Variants in NECTIN3 observed in about 807,000 individuals in gnomAD.
NECTIN3 encodes the protein nectin cell adhesion molecule 3, also known as nectin-3.
Under a neutral mutation model 49.4 loss-of-function variants are expected in NECTIN3, and 8 were observed. The observed-to-expected ratio is 0.16, with a 90% CI of 0.10 to 0.29. NECTIN3 has a LOEUF of 0.29. Among genes scored for constraint, NECTIN3 ranks in the 10% least tolerant of loss-of-function variants. NECTIN3 has a pLI of 1.00. For missense variants in NECTIN3, 581 were observed against 654.6 expected, an observed-to-expected ratio of 0.89 and a Z score of 1.23; for synonymous variants, 277 against 241.1, an observed-to-expected ratio of 1.15 and a Z score of -1.38.
At chr3:111,149,365 T>C (rs1029078080) in intron 7 of NECTIN3, among the ~76,000 whole-genome samples, 1 of 152,088 alleles carries the variant, frequency 6.6e-6, no homozygotes, top group African/African-American at 2.4e-5. Flanking sequence ...AAAAATTCTA[T>C]TGAACTCCTG....
At chr3:111,149,505 G>GTGTGTA in intron 7 of NECTIN3, among the ~76,000 whole-genome samples, 1 of 140,970 alleles carries the variant, frequency 7.1e-6, no homozygotes, top group South Asian at 2.2e-4. Flanking sequence ...GTGTGTGTGT[G>GTGTGTA]TGTAGAATCT....
chr3:111,073,698 T>G (rs1273963357), intron 1 of NECTIN3, among the ~76,000 whole-genome samples: 1 of 152,230 alleles, frequency 6.6e-6, no homozygotes, highest in Admixed American at 6.5e-5. Flanking sequence ...CTTACCAGTT[T>G]ACTATCCTGA....
chr3:111,103,596 A>G (rs919989576), intron 1 of NECTIN3, among the ~76,000 whole-genome samples: 3 of 150,760 alleles, frequency 2.0e-5, no homozygotes, highest in African/African-American at 7.4e-5. Flanking sequence ...AGAAATAAAG[A>G]AAGGAAGAAA....
chr3:111,140,043 A>G (rs1484207621), downstream of NECTIN3, among the ~76,000 whole-genome samples: 1 of 151,814 alleles, frequency 6.6e-6, no homozygotes, highest in Non-Finnish European at 1.5e-5. Flanking sequence ...TGATTCAGTG[A>G]TTGAAAGGTC....
At chr3:111,129,318 A>G (rs1336280892) in intron 5 of NECTIN3, among the ~76,000 whole-genome samples, 4 of 151,870 alleles carry the variant, frequency 2.6e-5, no homozygotes, top group African/African-American at 9.7e-5. Context: ...ATGTAACCCC[A>G]TGTATTGCCA....
chr3:111,108,506 A>C (rs1050300129), intron 1 of NECTIN3, among the ~76,000 whole-genome samples: 5 of 152,156 alleles, frequency 3.3e-5, no homozygotes. Flanking sequence ...AGGTTATTCC[A>C]ATACTACCTG....
chr3:111,109,495 G>A (rs2033362961), intron 1 of NECTIN3, among the ~76,000 whole-genome samples: 3 of 151,792 alleles, frequency 2.0e-5, no homozygotes, highest in Non-Finnish European at 4.4e-5. Context: ...TTACTTTTAG[G>A]TCTTCAGTCC....
Position 111,134,382 on chromosome 3 carries a change from G to C in NECTIN3, c.*167G>C. ...AATGAAAATGTAAAATCTGAGTTCA[G>C]TGTATCTAAGCTGCTTTACAATTTT... On this transcript the variant is annotated 3_prime_UTR_variant, in exon 6 of 6. Coordinates refer to ENST00000485303, the MANE Select transcript of NECTIN3 (RefSeq NM_015480.3). The C allele has an allele frequency of 1.4e-6, 2 of 1,380,270 alleles. No individual in the cohort carries two copies. Among genetic ancestry groups the C allele is most frequent in the Non-Finnish European group, 1.9e-6 (2 of 1,070,108 alleles). The allele number at this position is 1,380,270 out of a possible 1,614,324, so 85.5% of individuals were successfully genotyped here. A position where few individuals can be genotyped will look rare whatever the true frequency, so the allele number is the denominator to read the frequency against.
In NECTIN3 at chr3:111,172,553, T is replaced by G. The variant is rs77042984; in HGVS notation, c.1222-19798T>G. On this transcript the variant is annotated intron_variant, in intron 7 of 8. Coordinates refer to the NECTIN3 transcript ENST00000493615. ...CTTCAAACCTTACTTAAATGTAAGATGGTATTGTGTTCAAAAATGATATTA... is the reference window on the plus strand; with the variant it reads ...CTTCAAACCTTACTTAAATGTAAGAGGGTATTGTGTTCAAAAATGATATTA... 0.021 allele frequency among the ~76,000 whole-genome samples: 3,231 copies of G among 152,262 alleles called. 176 individuals are homozygous for G. In the East Asian group the frequency reaches 0.23, roughly 11 times the overall value.
intron 5 of NECTIN3, 106 bp downstream of exon 5, chr3:111,126,441 C>A: frequency 1.0e-6 from 1 of 969,044 alleles, no homozygotes; most frequent in Non-Finnish European, 1.5e-6. Flanking sequence ...GATACAGATT[C>A]CTCAGTGTGA....
downstream of NECTIN3, among the ~76,000 whole-genome samples, chr3:111,141,275 A>T (rs4682235): frequency 7.1e-3 from 1,076 of 152,022 alleles, 15 homozygotes; most frequent in Non-Finnish European, 0.012. Context: ...ATAGTATGGG[A>T]GCAAATCAAA....
At chr3:111,084,354 A>G (rs772107640) in intron 1 of NECTIN3, among the ~76,000 whole-genome samples, 8 of 152,232 alleles carry the variant, frequency 5.3e-5, no homozygotes, top group African/African-American at 1.7e-4. Flanking sequence ...ATGAATTGGC[A>G]TAACATGGAC....
intron 1 of NECTIN3, among the ~76,000 whole-genome samples, chr3:111,075,662 A>G (rs2031135740): frequency 6.6e-6 from 1 of 152,164 alleles, no homozygotes; most frequent in Admixed American, 6.6e-5. Flanking sequence ...TTACATCTAT[A>G]TATTGAGTCT....
chr3:111,145,072 T>C (rs1428167122), intron 6 of NECTIN3: 1 of 1,509,202 alleles, frequency 6.6e-7, no homozygotes, highest in African/African-American at 1.4e-5. Context: ...CAACTATGAA[T>C]ATCAGTATGT....
intron 1 of NECTIN3, among the ~76,000 whole-genome samples, chr3:111,085,754 T>G (rs2031886766): frequency 6.6e-6 from 1 of 152,140 alleles, no homozygotes; most frequent in Non-Finnish European, 1.5e-5. Flanking sequence ...GTTCCATAAT[T>G]TATCAGTTTT....
chr3:111,139,293 T>A (rs1444220069), downstream of NECTIN3, among the ~76,000 whole-genome samples: 1 of 151,766 alleles, frequency 6.6e-6, no homozygotes, highest in Admixed American at 6.6e-5. Context: ...TTTCCAAATA[T>A]GATCCATTCA....
intron 7 of NECTIN3, among the ~76,000 whole-genome samples, chr3:111,181,009 G>A (rs1337811727): frequency 1.3e-5 from 2 of 151,970 alleles, no homozygotes; most frequent in South Asian, 2.1e-4. Flanking sequence ...CATTTTCATA[G>A]CCTTGCCAAA....
At chr3:111,192,281 T>C, upstream of NECTIN3, 3 of 1,342,896 alleles carry the variant, frequency 2.2e-6, no homozygotes, top group South Asian at 3.9e-5. Flanking sequence ...CTTTTAAAAA[T>C]AGGAATCTTA....
At chr3:111,133,507 A>AT in intron 5 of NECTIN3, 128 bp from the exon 6 acceptor site, 1 of 1,323,110 alleles carries the variant, frequency 7.6e-7, no homozygotes, top group Non-Finnish European at 1.0e-6. Context: ...CAAATTAAGA[A>AT]TGAAAAACTA....
Sources: allele counts gnomAD v4.1 joint callset (sites outside exome capture counted in the v4.1 genomes callset), GRCh38; gene constraint gnomAD v4.1.1; transcripts MANE v1.5; gene names NCBI Gene and HGNC (gene_info 2026-07-23, HGNC 2026-07-21).